DNMBP: variants seen among roughly 807,000 people sequenced by gnomAD.
The protein encoded by DNMBP is dynamin-binding protein.
DNMBP carries 87 observed loss-of-function variants against 150.0 expected under a neutral mutation model. The observed-to-expected ratio is 0.58, with a 90% CI of 0.49 to 0.69. The LOEUF is 0.69. DNMBP is among the 30% of genes least tolerant of loss of function. The probability of loss-of-function intolerance (pLI) is 0.00; values close to 1 mark genes in which losing one functional copy is unlikely to be tolerated. For synonymous variants in DNMBP, 711 were observed against 750.4 expected (o/e 0.95, Z 0.86); for missense variants, 1,774 against 1,949.0 (o/e 0.91, Z 1.69).
At chr10:99,918,071 A>C (rs2039986193) in intron 4 of DNMBP, among the ~76,000 whole-genome samples, 1 of 151,930 alleles carries the variant, frequency 6.6e-6, no homozygotes, top group Non-Finnish European at 1.5e-5. Flanking sequence ...ACGCATCTAG[A>C]AGCAGTCTTT....
At chr10:99,884,297 T>G in intron 14 of DNMBP, 88 bp from the exon 15 acceptor site, 2 of 1,218,122 alleles carry the variant, frequency 1.6e-6, no homozygotes, top group Non-Finnish European at 2.3e-6. Context: ...GTCTCAGAAA[T>G]GAGGCAGGGA....
intron 1 of DNMBP, among the ~76,000 whole-genome samples, chr10:99,995,107 C>T (rs1276458064): frequency 2.0e-5 from 3 of 150,566 alleles, no homozygotes; most frequent in East Asian, 2.0e-4. Context: ...GACTGGAGTG[C>T]GGTGGTGCGA....
rs1564714577 is a variant in DNMBP at position 99,884,074 on chromosome 10, C to G, written c.3934G>C (p.Val1312Leu). The G allele has an allele frequency of 6.2e-7, 1 of 1,614,092 alleles. No individual in the cohort carries two copies. The highest frequency in any genetic ancestry group is 1.7e-5 in the Admixed American group (1 of 60,014). Residue 1312 changes from valine to leucine, a missense_variant, in exon 15 of 17, where the codon GTG (valine) becomes CTG (leucine). Transcript: ENST00000324109. Reference sequence around the variant, plus strand: ...GGGTCTTTTTTCTTAATCACACCCACCAGGTCACCTTCCAAAAGTGAGACA... The same window carrying G: ...GGGTCTTTTTTCTTAATCACACCCAGCAGGTCACCTTCCAAAAGTGAGACA... The part of the protein sequence containing the change: ...LDVSLLEGDL[V>L]GVIKKKDPMG...
intron 1 of DNMBP, among the ~76,000 whole-genome samples, chr10:99,999,762 C>T (rs907967917): frequency 2.0e-5 from 3 of 152,106 alleles, no homozygotes; most frequent in Admixed American, 2.0e-4. Flanking sequence ...CACAGTTTCA[C>T]GTATTTACTG....
At chr10:99,897,285 T>G (rs2039669256) in intron 9 of DNMBP, among the ~76,000 whole-genome samples, 1 of 152,016 alleles carries the variant, frequency 6.6e-6, no homozygotes, top group Non-Finnish European at 1.5e-5. Context: ...ACTGACTGTT[T>G]TAGGAGGGGA....
At chr10:100,008,780 G>A (rs553141452) in intron 1 of DNMBP, among the ~76,000 whole-genome samples, 6 of 152,154 alleles carry the variant, frequency 3.9e-5, no homozygotes, top group Non-Finnish European at 7.4e-5. Context: ...CGGTATTCAT[G>A]CTGTGAAAGT....
In DNMBP at chr10:99,907,941, T is replaced by C. The variant is rs560259654; in HGVS notation, c.2554+54A>G. The stretch of plus-strand genomic sequence containing the variant: ...CAGTATCAGGAAGGCCACTTACTCC[T>C]GCCCATGAAGTTTTTTTAAAAAGCT... On this transcript the variant is annotated intron_variant, in intron 6 of 16. Transcript: ENST00000324109. The C allele has an allele frequency of 7.3e-5, 101 of 1,380,024 alleles. No individual in the cohort carries two copies. In the East Asian group the frequency reaches 2.1e-3, roughly 28 times the overall value. The allele number at this position is 1,380,024 out of a possible 1,614,324, so 85.5% of individuals were successfully genotyped here. A position where few individuals can be genotyped will look rare whatever the true frequency, so the allele number is the denominator to read the frequency against.
chr10:99,883,082 CTA>C (rs1371908133), intron 15 of DNMBP, among the ~76,000 whole-genome samples: 1 of 152,068 alleles, frequency 6.6e-6, no homozygotes, highest in Non-Finnish European at 1.5e-5. Flanking sequence ...ATACACATGA[CTA>C]TTCACACCAA....
chr10:99,965,635 T>A (rs2040612862), intron 3 of DNMBP, among the ~76,000 whole-genome samples: 1 of 151,868 alleles, frequency 6.6e-6, no homozygotes, highest in Admixed American at 6.6e-5. Flanking sequence ...GTAGCTGCAA[T>A]TACAGGTATG....
intron 4 of DNMBP, among the ~76,000 whole-genome samples, chr10:99,941,817 G>A (rs2040304499): frequency 6.6e-6 from 1 of 152,120 alleles, no homozygotes; most frequent in African/African-American, 2.4e-5. Context: ...AAGTCCTACT[G>A]GCTCTAACTC....
At chr10:100,004,035 C>T (rs1395607051) in intron 1 of DNMBP, among the ~76,000 whole-genome samples, 1 of 150,514 alleles carries the variant, frequency 6.6e-6, no homozygotes, top group African/African-American at 2.4e-5. Context: ...AGTTCAAGAC[C>T]GGCCTGGACA....
chr10:100,005,389 C>T (rs2041056743), intron 1 of DNMBP, among the ~76,000 whole-genome samples: 1 of 152,152 alleles, frequency 6.6e-6, no homozygotes, highest in Admixed American at 6.5e-5. Flanking sequence ...TGGATGCAAA[C>T]AGCATGGGGT....
intron 4 of DNMBP, among the ~76,000 whole-genome samples, chr10:99,913,276 T>C (rs1487804246): frequency 6.6e-6 from 1 of 152,134 alleles, no homozygotes; most frequent in Non-Finnish European, 1.5e-5. Flanking sequence ...CACTTTTATC[T>C]CTTGGCCTCA....
intron 2 of DNMBP, among the ~76,000 whole-genome samples, chr10:99,969,518 G>T (rs1490142840): frequency 6.6e-6 from 1 of 152,132 alleles, no homozygotes; most frequent in African/African-American, 2.4e-5. Context: ...GGTTTTCAAA[G>T]ATCTAAAAAC....
intron 4 of DNMBP, chr10:99,927,100 G>A (rs1011749719): frequency 2.0e-5 from 3 of 152,434 alleles, no homozygotes; most frequent in Non-Finnish European, 2.9e-5. Context: ...CCTGCCTGGG[G>A]GAGAGGCTGG....
intron 4 of DNMBP, among the ~76,000 whole-genome samples, chr10:99,949,001 TAA>T (rs1170758783): frequency 6.6e-6 from 1 of 151,106 alleles, no homozygotes; most frequent in East Asian, 1.9e-4. Flanking sequence ...AATAAATAAA[TAA>T]ATAAATAAAT....
chr10:99,957,234 C>A (rs757680761), intron 3 of DNMBP, 29 bp from the exon 4 acceptor site: 2 of 1,577,482 alleles, frequency 1.3e-6, no homozygotes, highest in Admixed American at 3.4e-5. Flanking sequence ...GAGATGGTGA[C>A]CTCAGTCATC....
chr10:100,009,662 T>A (rs1426275510), intron 1 of DNMBP, among the ~76,000 whole-genome samples, 176 bp downstream of exon 1: 1 of 151,734 alleles, frequency 6.6e-6, no homozygotes, highest in Non-Finnish European at 1.5e-5. Flanking sequence ...CGCGGGCTCC[T>A]GGCCCACAGA....
chr10:99,965,817 C>T (rs772664283), intron 3 of DNMBP, among the ~76,000 whole-genome samples: 1 of 152,022 alleles, frequency 6.6e-6, no homozygotes, highest in South Asian at 2.1e-4. Context: ...TTAAGGTTTC[C>T]AAATCCCCTC....
Sources: allele counts gnomAD v4.1 joint callset (sites outside exome capture counted in the v4.1 genomes callset), GRCh38; gene constraint gnomAD v4.1.1; transcripts MANE v1.5; gene names NCBI Gene and HGNC (gene_info 2026-07-23, HGNC 2026-07-21).